SNED1: variants seen among roughly 807,000 people sequenced by gnomAD.
SNED1 encodes sushi, nidogen and EGF like domains 1.
A neutral mutation model predicts 166.7 loss-of-function variants in SNED1; 81 were observed. That is an observed-to-expected ratio of 0.49 (90% CI 0.41 to 0.58). The LOEUF is 0.58. SNED1 is among the 20% of genes least tolerant of loss of function. SNED1 has a pLI of 0.00. For synonymous variants in SNED1, 762 were observed against 822.0 expected (o/e 0.93, Z 1.25); for missense variants, 1,604 against 2,000.2 (o/e 0.80, Z 3.78).
chr2:241,081,385 C>G (rs1282566963), intron 27 of SNED1, among the ~76,000 whole-genome samples: 1 of 152,184 alleles, frequency 6.6e-6, no homozygotes, highest in Non-Finnish European at 1.5e-5. Flanking sequence ...GCTCCTCCCT[C>G]CCTCTCCCTC....
chr2:241,017,804 G>A lies in SNED1; in HGVS notation c.214-12480G>A, dbSNP rs1195268509. On this transcript the variant is annotated intron_variant, in intron 1 of 31. Coordinates refer to ENST00000310397, the MANE Select transcript of SNED1 (RefSeq NM_001080437.3). The stretch of plus-strand genomic sequence containing the variant: ...AGCCAGCTGTGAAGAATCCTGCAGA[G>A]CCCCGTAGGTCTAATTTGAGAGAGC... Among the ~76,000 whole-genome samples the A allele has an allele frequency of 7.2e-5, 11 of 152,212 alleles. No individual in the cohort carries two copies. In the East Asian group the frequency reaches 2.1e-3, roughly 29 times the overall value.
Position 241,051,878 on chromosome 2 carries a change from A to T in SNED1, c.1852+18A>T. The stretch of plus-strand genomic sequence containing the variant: ...TGAGATCGGTGCGGCCCCCAGGGGC[A>T]GGGGGGAGGGCAGGAACGACGGGCC... On this transcript the variant is annotated intron_variant, in intron 13 of 31. Coordinates refer to ENST00000310397, the MANE Select transcript of SNED1 (RefSeq NM_001080437.3). This position sits in a 1 kb window ranked among gnomAD's most constrained non-coding sequence, Gnocchi z 4.7. The T allele has an allele frequency of 6.6e-7, 1 of 1,522,654 alleles. No individual in the cohort carries two copies. The highest frequency in any genetic ancestry group is 8.9e-7 in the Non-Finnish European group (1 of 1,129,932). The allele number at this position is 1,522,654 out of a possible 1,614,324, so 94.3% of individuals were successfully genotyped here.
rs776019058 is a variant in SNED1 at position 241,034,716 on chromosome 2, G to A, written c.791G>A (p.Gly264Asp). ...GATGATGCCCAGGTGCGCGTGGGGG[G>A]CTGCGGCCATACAAGTAAGAGGACA... ...RIDDAQVRVG[G>D]CGHTTSVCLA... The change falls in exon 4 of 32, where the codon GGC becomes GAC. Residue 264 changes from glycine to aspartate, a missense_variant. Gly to Asp is a moderately conservative substitution (Grantham distance 94). Transcript: ENST00000310397. The A allele has an allele frequency of 5.0e-5, 79 of 1,571,564 alleles. No individual in the cohort carries two copies. Among genetic ancestry groups the A allele is most frequent in the Middle Eastern group, 1.7e-4 (1 of 6,000 alleles).
chr2:241,081,868 C>T, intron 28 of SNED1, 75 bp downstream of exon 28: 1 of 1,162,366 alleles, frequency 8.6e-7, no homozygotes, highest in Non-Finnish European at 1.3e-6. Flanking sequence ...TGGGCCACAG[C>T]TGGGTTTGCC....
At chr2:241,050,111 T>A in intron 12 of SNED1, 178 bp downstream of exon 12, 1 of 675,252 alleles carries the variant, frequency 1.5e-6, no homozygotes, top group Non-Finnish European at 2.8e-6. Context: ...ACTGTTTGGA[T>A]GGTTCTGATC....
At chr2:241,041,134 A>C (rs1295788721) in intron 8 of SNED1, 3 of 305,822 alleles carry the variant, frequency 9.8e-6, no homozygotes, top group African/African-American at 6.9e-5. Flanking sequence ...TGGGCCCTCC[A>C]TCAGTCTTTG....
chr2:241,031,022 A>C (rs1056611555), intron 2 of SNED1, among the ~76,000 whole-genome samples: 11 of 152,186 alleles, frequency 7.2e-5, no homozygotes, highest in African/African-American at 2.4e-4. Context: ...CTCCGGTGGC[A>C]GATGTATTTA....
At chr2:241,037,058 G>T in intron 5 of SNED1, 143 bp downstream of exon 5, 1 of 1,144,572 alleles carries the variant, frequency 8.7e-7, no homozygotes, top group Non-Finnish European at 1.2e-6. Flanking sequence ...TTGCTTAGGG[G>T]ACCACTGGGG....
At chr2:241,022,913 G>A (rs963373633) in intron 1 of SNED1, among the ~76,000 whole-genome samples, 2 of 152,112 alleles carry the variant, frequency 1.3e-5, no homozygotes, top group Admixed American at 1.3e-4. Context: ...TGAAATGGTA[G>A]CCTCTTTTTC....
In SNED1 at chr2:241,048,869, A is replaced by G. The variant is rs1332166575; in HGVS notation, c.1504+103A>G. ...GGTCCGTAGGTCCAGACTGTCGACC[A>G]TTGGTTCTACCCCCACCCAGGAGGG... On this transcript the variant is annotated intron_variant, in intron 10 of 31. Coordinates refer to ENST00000310397, the MANE Select transcript of SNED1 (RefSeq NM_001080437.3). 4.1e-6 allele frequency: 5 copies of G among 1,215,454 alleles called. No homozygotes were observed. The African/African-American group carries it at 4.5e-5, about 11-fold the overall frequency. 75.3% of individuals were successfully genotyped at this position (1,215,454 alleles called of 1,614,324 possible).
At chr2:241,017,870 A>G (rs1258536990) in intron 1 of SNED1, among the ~76,000 whole-genome samples, 1 of 152,218 alleles carries the variant, frequency 6.6e-6, no homozygotes, top group African/African-American at 2.4e-5. Flanking sequence ...CCTGTGGCCC[A>G]TGCAAGGAGT....
rs756901419 is a variant in SNED1 at position 241,040,353 on chromosome 2, C to A, written c.1213C>A (p.Leu405Ile). The A allele has an allele frequency of 1.2e-6, 2 of 1,609,526 alleles. No homozygotes were observed. The highest frequency in any genetic ancestry group is 1.3e-5 in the African/African-American group (1 of 74,832). Reference protein sequence around the residue: ...PCLNGGSCVDLVGNYTCLCAE... With the variant: ...PCLNGGSCVDIVGNYTCLCAE... ...CCTGAATGGAGGCTCTTGTGTTGAC[C>A]TAGTGGGGAATTACACCTGCTTGTG... The change falls in exon 8 of 32, where the codon CTA (leucine) becomes ATA (isoleucine). Residue 405 changes from leucine (L) to isoleucine (I), a missense_variant. Physicochemically the swap from Leu to Ile is conservative, Grantham distance 5. Transcript: ENST00000310397.
intron 27 of SNED1, among the ~76,000 whole-genome samples, chr2:241,077,679 G>A (rs2063094495): frequency 6.6e-6 from 1 of 152,166 alleles, no homozygotes. Context: ...AATTCAGACA[G>A]GGGCAAAGGA....
In SNED1 at chr2:240,999,170, G is replaced by C; in HGVS notation, c.213+120G>C. On this transcript the variant is annotated intron_variant, in intron 1 of 31. Transcript: ENST00000310397. The surrounding 1 kb of genome is among the most constrained non-coding windows in gnomAD (Gnocchi z 5.8). ...GCCACTTGGCACCGGGGCGGCCCGA[G>C]GTGGAATGAGGACAGCGCTTCCTCC... 4.1e-6 allele frequency: 2 copies of C among 491,078 alleles called. No individual in the cohort carries two copies. The highest frequency in any genetic ancestry group is 6.1e-6 in the Non-Finnish European group (2 of 329,622). 30.4% of individuals were successfully genotyped at this position (491,078 alleles called of 1,614,324 possible). A position where few individuals can be genotyped will look rare whatever the true frequency, so the allele number is the denominator to read the frequency against.
Position 241,018,657 on chromosome 2 carries a change from C to G in SNED1, c.214-11627C>G, listed in dbSNP as rs1335891339. 6.6e-6 allele frequency among the ~76,000 whole-genome samples: 1 copy of G among 152,208 alleles called. No homozygotes were observed. The highest frequency in any genetic ancestry group is 2.4e-5 in the African/African-American group (1 of 41,458). ...TGCAGGCACAAGGCCAGCAGGAGCACCCGTGTGAGAGCCACAGAGACGCCC... is the reference window on the plus strand; with the variant it reads ...TGCAGGCACAAGGCCAGCAGGAGCAGCCGTGTGAGAGCCACAGAGACGCCC... On this transcript the variant is annotated intron_variant, in intron 1 of 31. Coordinates refer to ENST00000310397, the MANE Select transcript of SNED1 (RefSeq NM_001080437.3). The surrounding 1 kb of genome is among the most constrained non-coding windows in gnomAD (Gnocchi z 5.4).
chr2:241,079,897 G>A (rs1318442592), intron 27 of SNED1, among the ~76,000 whole-genome samples: 1 of 152,200 alleles, frequency 6.6e-6, no homozygotes, highest in East Asian at 1.9e-4. Flanking sequence ...TGAAATGATT[G>A]CATGTATATG....
intron 26 of SNED1, 176 bp downstream of exon 26, chr2:241,072,054 T>C (rs2062753988): frequency 2.8e-6 from 2 of 710,192 alleles, no homozygotes; most frequent in Non-Finnish European, 2.5e-6. Context: ...GCCGGCAGCA[T>C]GCACCTCCAT....
intron 27 of SNED1, among the ~76,000 whole-genome samples, chr2:241,079,984 T>TA (rs2063252449): frequency 6.6e-6 from 1 of 152,154 alleles, no homozygotes; most frequent in Non-Finnish European, 1.5e-5. Context: ...TGAAAGAAGT[T>TA]AAAAATCTTG....
At chr2:241,086,459 G>C (rs1327711057) in intron 29 of SNED1, among the ~76,000 whole-genome samples, 1 of 152,092 alleles carries the variant, frequency 6.6e-6, no homozygotes, top group Non-Finnish European at 1.5e-5. Context: ...CCCTTTCTCT[G>C]TGATGCCATC....
Sources: gnomAD v4.1 joint callset for allele counts (sites outside exome capture counted in the v4.1 genomes callset) on GRCh38, gnomAD v4.1.1 for gene constraint, Gnocchi (gnomAD v3.1) non-coding constraint, MANE v1.5 for transcripts, NCBI Gene and HGNC (gene_info 2026-07-23, HGNC 2026-07-21) for gene names.